Variants in CDA observed in about 807,000 individuals in gnomAD.
The protein encoded by CDA is cytidine aminohydrolase.
A neutral mutation model predicts 15.0 loss-of-function variants in CDA; 7 were observed. The ratio of observed to expected loss-of-function variants is 0.47; its 90% CI spans 0.26 to 0.87. The LOEUF (loss-of-function observed/expected upper bound fraction) is 0.87. Among genes scored for constraint, CDA ranks in the 40% least tolerant of loss-of-function variants. The probability of loss-of-function intolerance (pLI) is 0.15; values close to 1 mark genes in which losing one functional copy is unlikely to be tolerated. For synonymous variants in CDA, 58 were observed against 73.0 expected, an observed-to-expected ratio of 0.79 and a Z score of 1.05; for missense variants, 159 against 182.7, an observed-to-expected ratio of 0.87 and a Z score of 0.75.
At chr1:20,603,752 A>G (rs2052668322) in intron 1 of CDA, among the ~76,000 whole-genome samples, 1 of 152,244 alleles carries the variant, frequency 6.6e-6, no homozygotes, top group Admixed American at 6.5e-5. Flanking sequence ...TACAGATGGA[A>G]TACCACATCT....
At chr1:20,614,135 G>T (rs111305059) in intron 3 of CDA, among the ~76,000 whole-genome samples, 60 of 152,248 alleles carry the variant, frequency 3.9e-4, no homozygotes, top group African/African-American at 1.4e-3. Flanking sequence ...AGGCCCTGAG[G>T]TAGCTCTGGG....
chr1:20,603,594 C>A (rs531794996), intron 1 of CDA, among the ~76,000 whole-genome samples: 1 of 152,298 alleles, frequency 6.6e-6, no homozygotes, highest in South Asian at 2.1e-4. Flanking sequence ...CACTGTGCTG[C>A]AAGGGAGTCT....
At position 20,618,488 on chromosome 1, in the gene CDA, G is replaced by C; in HGVS notation, c.361G>C (p.Asp121His). The change falls in exon 4 of 4, where the codon GAT (aspartate) becomes CAT (histidine). Residue 121 changes from aspartate to histidine, a missense_variant. Transcript: ENST00000375071. Reference sequence around the variant, plus strand: ...CTGGCCCGTGTACATGACCAAGCCGGATGGTACGTATATTGTCATGACGGT... The same window carrying C: ...CTGGCCCGTGTACATGACCAAGCCGCATGGTACGTATATTGTCATGACGGT... ...TNWPVYMTKP[D>H]GTYIVMTVQE... 6.2e-7 allele frequency: 1 copy of C among 1,613,626 alleles called. No individual in the cohort carries two copies. Among genetic ancestry groups the C allele is most frequent in the Non-Finnish European group, 8.5e-7 (1 of 1,179,752 alleles).
At chr1:20,598,192 C>A (rs1384727394) in intron 1 of CDA, among the ~76,000 whole-genome samples, 1 of 152,120 alleles carries the variant, frequency 6.6e-6, no homozygotes, top group Non-Finnish European at 1.5e-5. Context: ...GGAGGTGGGA[C>A]CTAATAAGAG....
intron 1 of CDA, among the ~76,000 whole-genome samples, chr1:20,590,795 G>C (rs533175448): frequency 6.6e-6 from 1 of 152,332 alleles, no homozygotes; most frequent in East Asian, 1.9e-4. Flanking sequence ...CTGATTGGAT[G>C]AATGAATGAG....
At chr1:20,597,970 T>A (rs1332139617) in intron 1 of CDA, among the ~76,000 whole-genome samples, 1 of 151,610 alleles carries the variant, frequency 6.6e-6, no homozygotes, top group Non-Finnish European at 1.5e-5. Context: ...CAGTTATTCC[T>A]CTGCGTCTTA....
At chr1:20,593,795 G>A (rs990309240) in intron 1 of CDA, among the ~76,000 whole-genome samples, 3 of 152,084 alleles carry the variant, frequency 2.0e-5, no homozygotes, top group South Asian at 2.1e-4. Context: ...GGTTGGTCTC[G>A]AACTCCTGAC....
intron 1 of CDA, among the ~76,000 whole-genome samples, chr1:20,604,341 G>A (rs1324273627): frequency 1.3e-5 from 2 of 152,182 alleles, no homozygotes; most frequent in Non-Finnish European, 2.9e-5. Flanking sequence ...AGTCATAGAC[G>A]GTGACTCCTT....
intron 3 of CDA, among the ~76,000 whole-genome samples, chr1:20,616,194 T>C (rs540424399): frequency 8.5e-5 from 13 of 152,280 alleles, no homozygotes; most frequent in Admixed American, 3.9e-4. Context: ...CCCGTGCTCC[T>C]CACGGCTGCC....
intron 2 of CDA, among the ~76,000 whole-genome samples, chr1:20,613,349 C>T (rs1307969109): frequency 1.3e-5 from 2 of 152,040 alleles, no homozygotes; most frequent in Non-Finnish European, 2.9e-5. Context: ...GAGCTACAGG[C>T]GCCCACCACC....
chr1:20,611,601 G>A (rs549624698), intron 2 of CDA, among the ~76,000 whole-genome samples: 1 of 152,126 alleles, frequency 6.6e-6, no homozygotes, highest in South Asian at 2.1e-4. Context: ...GGATGGTCTC[G>A]GTCTCTTGAC....
At position 20,589,133 on chromosome 1, in the gene CDA, G is replaced by A. The variant is rs761185624; in HGVS notation, c.4G>A (p.Ala2Thr). The A allele has an allele frequency of 1.6e-5, 26 of 1,613,936 alleles. No individual in the cohort carries two copies. Among genetic ancestry groups the A allele is most frequent in the Non-Finnish European group, 2.1e-5 (25 of 1,180,028 alleles). ...GCTGCCTGCCCGGGGTACCAACATGGCCCAGAAGCGTCCTGCCTGCACCCT... is the reference window on the plus strand; with the variant it reads ...GCTGCCTGCCCGGGGTACCAACATGACCCAGAAGCGTCCTGCCTGCACCCT... M[A>T]QKRPACTLKP... The change falls in exon 1 of 4, where the codon GCC becomes ACC. Residue 2 changes from alanine to threonine, a missense_variant. Coordinates refer to ENST00000375071, the MANE Select transcript of CDA (RefSeq NM_001785.3).
chr1:20,591,642 C>T (rs1374160948), intron 1 of CDA, among the ~76,000 whole-genome samples: 1 of 152,092 alleles, frequency 6.6e-6, no homozygotes, highest in African/African-American at 2.4e-5. Context: ...ATAAACAGGA[C>T]TGTGGCCCAT....
chr1:20,593,022 A>T lies in CDA; in HGVS notation c.154+3739A>T, dbSNP rs1416530881. On this transcript the variant is annotated intron_variant, in intron 1 of 3. Coordinates refer to ENST00000375071, the MANE Select transcript of CDA (RefSeq NM_001785.3). ...ATGGAGGGATCACTTGAGCCCCAGG[A>T]GTTCGAGGCTGCAGTGAGCTGTAAT... 7.9e-5 allele frequency among the ~76,000 whole-genome samples: 12 copies of T among 152,328 alleles called. No homozygotes were observed. The East Asian group carries it at 2.3e-3, about 29-fold the overall frequency.
At chr1:20,613,350 G>A (rs1055245289) in intron 2 of CDA, among the ~76,000 whole-genome samples, 2 of 151,940 alleles carry the variant, frequency 1.3e-5, no homozygotes, top group Non-Finnish European at 2.9e-5. Context: ...AGCTACAGGC[G>A]CCCACCACCA....
intron 1 of CDA, among the ~76,000 whole-genome samples, chr1:20,590,307 G>T (rs1253070548): frequency 6.6e-6 from 1 of 152,194 alleles, no homozygotes; most frequent in Non-Finnish European, 1.5e-5. Flanking sequence ...CAAAATCACA[G>T]AGCTGGGATT....
chr1:20,595,612 A>T (rs963466913), intron 1 of CDA, among the ~76,000 whole-genome samples: 4 of 152,036 alleles, frequency 2.6e-5, no homozygotes, highest in Non-Finnish European at 5.9e-5. Context: ...AGTCCTCTCC[A>T]CTGTCACTCA....
At chr1:20,592,364 TAAG>T (rs1432989394) in intron 1 of CDA, among the ~76,000 whole-genome samples, 2 of 152,212 alleles carry the variant, frequency 1.3e-5, no homozygotes, top group Non-Finnish European at 2.9e-5. Context: ...TGCCTCGTAA[TAAG>T]AAGGTCACAA....
intron 1 of CDA, among the ~76,000 whole-genome samples, chr1:20,598,175 A>G (rs1358497298): frequency 1.3e-5 from 2 of 152,186 alleles, no homozygotes; most frequent in Non-Finnish European, 2.9e-5. Context: ...CCAATGCAAC[A>G]GTGTTGGGAG....
Sources: allele counts gnomAD v4.1 joint callset (sites outside exome capture counted in the v4.1 genomes callset), GRCh38; gene constraint gnomAD v4.1.1; transcripts MANE v1.5; gene names NCBI Gene and HGNC (gene_info 2026-07-23, HGNC 2026-07-21).